FLVCR1: variants seen among roughly 807,000 people sequenced by gnomAD.
FLVCR1 encodes the protein FLVCR choline and heme transporter 1.
Under a neutral mutation model 53.6 loss-of-function variants are expected in FLVCR1, and 34 were observed. The observed-to-expected ratio is 0.63, with a 90% CI of 0.48 to 0.84. FLVCR1 has a LOEUF of 0.84. FLVCR1 is among the 40% of genes least tolerant of loss of function. The pLI is 0.00. For missense variants in FLVCR1, 677 were observed against 696.7 expected (o/e 0.97, Z 0.32); for synonymous variants, 300 against 286.3 (o/e 1.05, Z -0.48).
At chr1:212,877,690 T>G (rs1184678380) in intron 3 of FLVCR1, among the ~76,000 whole-genome samples, 4 of 150,656 alleles carry the variant, frequency 2.7e-5, no homozygotes, top group Admixed American at 2.0e-4. Flanking sequence ...ATGATAGTTT[T>G]TTTTTTTTTT....
intron 8 of FLVCR1, among the ~76,000 whole-genome samples, chr1:212,893,244 A>G (rs1342084445): frequency 6.6e-6 from 1 of 151,820 alleles, no homozygotes; most frequent in East Asian, 1.9e-4. Context: ...TTTTGTAGAG[A>G]CGGGGTTTCA....
chr1:212,861,278 C>T (rs1354034227), intron 1 of FLVCR1, among the ~76,000 whole-genome samples: 2 of 152,178 alleles, frequency 1.3e-5, no homozygotes, highest in Non-Finnish European at 1.5e-5. Flanking sequence ...TATGTAATGT[C>T]CTGTTGGCTT....
chr1:212,885,549 TC>T, intron 5 of FLVCR1, 153 bp downstream of exon 5: 3 of 405,490 alleles, frequency 7.4e-6, no homozygotes, highest in African/African-American at 2.9e-5. Context: ...AACAAGTGTT[TC>T]TTTTTTTTTT....
chr1:212,892,821 C>G (rs1347463697), intron 8 of FLVCR1, among the ~76,000 whole-genome samples: 2 of 152,000 alleles, frequency 1.3e-5, no homozygotes, highest in East Asian at 3.8e-4. Flanking sequence ...ATCCTAGATG[C>G]CATTAAGAAC....
intron 3 of FLVCR1, among the ~76,000 whole-genome samples, chr1:212,882,332 A>G (rs1664952921): frequency 6.6e-6 from 1 of 152,224 alleles, no homozygotes. Context: ...AAAAATATCA[A>G]CATGGATACA....
At chr1:212,860,899 A>T (rs761600143) in intron 1 of FLVCR1, among the ~76,000 whole-genome samples, 1 of 152,114 alleles carries the variant, frequency 6.6e-6, no homozygotes, top group African/African-American at 2.4e-5. Context: ...ATTTCCCTTT[A>T]TCTCTAATGC....
intron 3 of FLVCR1, among the ~76,000 whole-genome samples, chr1:212,881,921 G>T (rs1166291578): frequency 6.6e-6 from 1 of 152,194 alleles, no homozygotes; most frequent in Non-Finnish European, 1.5e-5. Flanking sequence ...TTGTTCTTAT[G>T]TGATATTCAG....
chr1:212,863,832 A>G lies in FLVCR1; in HGVS notation c.846A>G (p.Ser282=), dbSNP rs1362474737. 1 of 1,613,666 alleles carries G rather than the reference A, an allele frequency of 6.2e-7. No homozygotes were observed. Among genetic ancestry groups the G allele is most frequent in the East Asian group, 2.2e-5 (1 of 44,882 alleles). Residue 282 remains serine (S), a synonymous_variant, in exon 2 of 10, where the codon TCA becomes TCG. Coordinates refer to ENST00000366971, the MANE Select transcript of FLVCR1 (RefSeq NM_014053.4). ...CNISTMFYGT[S]AVATLLFILT... ...TCAGCACCATGTTTTATGGAACATCAGCTGTTGCCACACTTTTATTTATTT... is the reference window on the plus strand; with the variant it reads ...TCAGCACCATGTTTTATGGAACATCGGCTGTTGCCACACTTTTATTTATTT...
At chr1:212,882,997 C>T (rs1055336166) in intron 3 of FLVCR1, among the ~76,000 whole-genome samples, 12 of 152,186 alleles carry the variant, frequency 7.9e-5, no homozygotes, top group Non-Finnish European at 1.8e-4. Context: ...TTAGGCTTTG[C>T]ACATTTGTTG....
At chr1:212,895,163 T>C (rs749136573) in intron 9 of FLVCR1, 53 bp from the exon 10 acceptor site, 24 of 1,455,674 alleles carry the variant, frequency 1.6e-5, no homozygotes, top group Non-Finnish European at 2.2e-5. Context: ...TGATCTGTTA[T>C]AATAGGATAT....
intron 5 of FLVCR1, among the ~76,000 whole-genome samples, chr1:212,887,182 A>G (rs1665084892): frequency 6.6e-6 from 1 of 152,234 alleles, no homozygotes; most frequent in Non-Finnish European, 1.5e-5. Context: ...TTATTTTAAA[A>G]TGATAGCTTA....
intron 3 of FLVCR1, among the ~76,000 whole-genome samples, chr1:212,874,806 C>T (rs750896980): frequency 3.1e-4 from 47 of 152,024 alleles, no homozygotes; most frequent in Non-Finnish European, 7.4e-5. Flanking sequence ...GGATTACAGG[C>T]GTGAGCCACT....
Position 212,890,486 on chromosome 1 carries a change from CAT to C in FLVCR1, c.1525+1231_1525+1232del, listed in dbSNP as rs1665164280. ...AAAAAAAAAAAATTGCAAAAAATCT[CAT>C]AATGTTTTTTAAAAATTTGTGAGTT... is the stretch of plus-strand genomic sequence containing the variant. On this transcript the variant is annotated intron_variant, in intron 8 of 9. Transcript: ENST00000366971. 3.3e-5 allele frequency among the ~76,000 whole-genome samples: 5 copies of C among 151,948 alleles called. No homozygotes were observed. The South Asian group carries it at 8.3e-4, about 25-fold the overall frequency.
chr1:212,858,736 G>C lies in FLVCR1; in HGVS notation c.284G>C (p.Ser95Thr). 6 of 1,611,542 alleles carry C rather than the reference G, an allele frequency of 3.7e-6. No homozygotes were observed. Among genetic ancestry groups the C allele is most frequent in the Non-Finnish European group, 5.1e-6 (6 of 1,179,340 alleles). The stretch of plus-strand genomic sequence containing the variant: ...GGAGCTGAGACCCCGGGGGCCGAGA[G>C]CAGCCCGCTGCCCCTTACGGCGCTC... ...GAGAETPGAE[S>T]SPLPLTALSP... The change falls in exon 1 of 10, where the codon AGC (serine) becomes ACC (threonine). Residue 95 changes from serine to threonine, a missense_variant. By Grantham distance (58) the Ser-to-Thr change is moderately conservative (BLOSUM62 1). Coordinates refer to ENST00000366971, the MANE Select transcript of FLVCR1 (RefSeq NM_014053.4).
chr1:212,870,622 T>TA (rs535383715), intron 2 of FLVCR1, among the ~76,000 whole-genome samples: 19 of 151,518 alleles, frequency 1.3e-4, no homozygotes, highest in Non-Finnish European at 2.4e-4. Context: ...AATAGCCAAT[T>TA]AAAAAAAAAT....
At chr1:212,886,941 G>A (rs1037075785) in intron 5 of FLVCR1, among the ~76,000 whole-genome samples, 1 of 152,166 alleles carries the variant, frequency 6.6e-6, no homozygotes, top group East Asian at 1.9e-4. Flanking sequence ...TGCTCTGGGA[G>A]TGAAAAGAAT....
Position 212,858,629 on chromosome 1 carries a change from C to G in FLVCR1, c.177C>G (p.Ala59=), listed in dbSNP as rs1279641374. Residue 59 remains alanine, a synonymous_variant, in exon 1 of 10, where the codon GCC becomes GCG. Coordinates refer to ENST00000366971, the MANE Select transcript of FLVCR1 (RefSeq NM_014053.4). ...VNGAPRDSLA[A]ASGVLGGPQT... is the part of the protein sequence containing the mutation. ...GGGCCCCCCGGGACAGCCTCGCTGC[C>G]GCCTCGGGAGTTCTGGGCGGGCCTC... 1.3e-6 allele frequency: 2 copies of G among 1,533,726 alleles called. No homozygotes were observed. The highest frequency in any genetic ancestry group is 1.8e-6 in the Non-Finnish European group (2 of 1,140,022).
Position 212,883,357 on chromosome 1 carries a change from A to G in FLVCR1, c.1025-14A>G, listed in dbSNP as rs1227813049. The G allele has an allele frequency of 2.9e-6, 4 of 1,398,090 alleles. No individual in the cohort carries two copies. Among genetic ancestry groups the G allele is most frequent in the Non-Finnish European group, 4.1e-6 (4 of 987,186 alleles). The allele number at this position is 1,398,090 out of a possible 1,614,324, so 86.6% of individuals were successfully genotyped here. A position where few individuals can be genotyped will look rare whatever the true frequency, so the allele number is the denominator to read the frequency against. The stretch of plus-strand genomic sequence containing the variant: ...GGTATCATGACTTAATATCATCTTT[A>G]TTTATTATTGTAGGTATCATGACTG... On this transcript the variant is annotated splice_polypyrimidine_tract_variant and intron_variant, in intron 3 of 9. Transcript: ENST00000366971.
At chr1:212,882,424 CTAAT>C (rs1203249897) in intron 3 of FLVCR1, among the ~76,000 whole-genome samples, 2 of 152,014 alleles carry the variant, frequency 1.3e-5, no homozygotes, top group South Asian at 2.1e-4. Flanking sequence ...CAGAATACTT[CTAAT>C]TGTTTATGAA....
Sources: gnomAD v4.1 joint callset for allele counts (sites outside exome capture counted in the v4.1 genomes callset) on GRCh38, gnomAD v4.1.1 for gene constraint, MANE v1.5 for transcripts, NCBI Gene and HGNC (gene_info 2026-07-23, HGNC 2026-07-21) for gene names.